Variants in PELO observed in about 807,000 individuals in gnomAD.
PELO encodes the protein pelota mRNA surveillance and ribosome rescue factor.
PELO carries 19 observed loss-of-function variants against 25.9 expected under a neutral mutation model. That is an observed-to-expected ratio of 0.73 (90% CI 0.51 to 1.08). The LOEUF is 1.08. Among genes scored for constraint, PELO ranks in the 50% least tolerant of loss-of-function variants. The pLI, the probability that PELO is intolerant of heterozygous loss-of-function variation, is 0.00. For synonymous variants in PELO, 196 were observed against 192.2 expected (o/e 1.02, Z -0.16); for missense variants, 498 against 491.4 (o/e 1.01, Z -0.13).
At chr5:52,801,240 A>G (rs1748474599) in intron 2 of PELO, 120 bp downstream of exon 2, 3 of 1,191,276 alleles carry the variant, frequency 2.5e-6, no homozygotes, top group South Asian at 1.5e-5. Flanking sequence ...TGGGATTTTC[A>G]TGAGATAATG....
rs1316045294 is a variant in PELO, at chr5:52,801,558, T to C, written c.876T>C (p.Ala292=). The C allele has an allele frequency of 6.2e-7, 1 of 1,614,130 alleles. No individual in the cohort carries two copies. The highest frequency in any genetic ancestry group is 8.5e-7 in the Non-Finnish European group (1 of 1,180,030). The change falls in exon 3 of 3, where the codon GCT becomes GCC. Residue 292 remains alanine, a synonymous_variant. Coordinates refer to ENST00000274311, the MANE Select transcript of PELO (RefSeq NM_015946.5). ...YKMLQHEPDR[A]FYGLKQVEKA... ...TGTTACAGCATGAACCGGATCGAGC[T>C]TTCTATGGACTCAAGCAGGTGGAGA... is the stretch of plus-strand genomic sequence containing the variant.
rs559395464 is a variant in PELO, at chr5:52,802,360, G to T, written c.*520G>T. On this transcript the variant is annotated 3_prime_UTR_variant, in exon 3 of 3. Coordinates refer to ENST00000274311, the MANE Select transcript of PELO (RefSeq NM_015946.5). ...AGTTTTACTATTTTAAATGATTGCC[G>T]TACAATTAGTAGACTTGAAGACAAG... 1 of 152,100 alleles carries T rather than the reference G, an allele frequency of 6.6e-6. No individual in the cohort carries two copies. The highest frequency in any genetic ancestry group is 6.5e-5 in the Admixed American group (1 of 15,272). 9.4% of individuals were successfully genotyped at this position (152,100 alleles called of 1,614,324 possible).
chr5:52,788,341 G>C lies in PELO; in HGVS notation c.-584G>C, dbSNP rs893737735. On this transcript the variant is annotated 5_prime_UTR_variant, in exon 1 of 3. Transcript: ENST00000274311. The stretch of plus-strand genomic sequence containing the variant: ...AACCAGCGCGGCCCCCTGGCGCTGA[G>C]GCTGCTCCGGCCATGGCCCCTCGGC... 1.9e-5 allele frequency: 28 copies of C among 1,502,254 alleles called. No individual in the cohort carries two copies. In the African/African-American group the frequency reaches 3.6e-4, roughly 19 times the overall value. The allele number at this position is 1,502,254 out of a possible 1,614,324, so 93.1% of individuals were successfully genotyped here.
chr5:52,794,181 A>G (rs1748294937), intron 1 of PELO, among the ~76,000 whole-genome samples: 1 of 151,994 alleles, frequency 6.6e-6, no homozygotes, highest in Admixed American at 6.6e-5. Context: ...GAGTGGATAC[A>G]CATACTCTTT....
intron 1 of PELO, among the ~76,000 whole-genome samples, chr5:52,789,009 C>T (rs6867040): frequency 0.26 from 39,100 of 152,090 alleles, 5,395 homozygotes; most frequent in Non-Finnish European, 0.31. Context: ...TGAACATTTT[C>T]TCTGTAAATA....
Position 52,800,690 on chromosome 5 carries a change from A to C in PELO, c.296A>C (p.Tyr99Ser). 1 of 1,614,180 alleles carries C rather than the reference A, an allele frequency of 6.2e-7. No homozygotes were observed. The highest frequency in any genetic ancestry group is 1.7e-5 in the Admixed American group (1 of 60,022). ...QENEYVKMGA[Y>S]HTIELEPNRQ... ...AATGAGTATGTCAAGATGGGGGCTTACCACACCATCGAGCTGGAGCCCAAC... is the reference window on the plus strand; with the variant it reads ...AATGAGTATGTCAAGATGGGGGCTTCCCACACCATCGAGCTGGAGCCCAAC... The change falls in exon 2 of 3, where the codon TAC (tyrosine) becomes TCC (serine). Residue 99 changes from tyrosine to serine, a missense_variant. Coordinates refer to ENST00000274311, the MANE Select transcript of PELO (RefSeq NM_015946.5).
Position 52,803,077 on chromosome 5 carries a change from G to A in PELO, c.*1237G>A, listed in dbSNP as rs1748519927. ...AGTGATGATACAGTTTTTAACTGCT[G>A]GATCAGCGACGCCTATTTCAAGTAG... On this transcript the variant is annotated 3_prime_UTR_variant, in exon 3 of 3. Coordinates refer to ENST00000274311, the MANE Select transcript of PELO (RefSeq NM_015946.5). 2.0e-5 allele frequency: 3 copies of A among 152,186 alleles called. No homozygotes were observed. The highest frequency in any genetic ancestry group is 6.5e-5 in the Admixed American group (1 of 15,282). The allele number at this position is 152,186 out of a possible 1,614,324, so 9.4% of individuals were successfully genotyped here.
intron 1 of PELO, among the ~76,000 whole-genome samples, chr5:52,791,777 G>A: frequency 6.6e-6 from 1 of 151,506 alleles, no homozygotes; most frequent in Admixed American, 6.6e-5. Flanking sequence ...AAAAAGAAAA[G>A]AAAAAATTAA....
At position 52,800,129 on chromosome 5, in the gene PELO, G is replaced by C. The variant is rs930772529; in HGVS notation, c.-266G>C. ...AGCCCGCTGTTGCGTGCTGCCAGCG[G>C]GAACTGTGTAGGGGTAGATTTTCGC... On this transcript the variant is annotated 5_prime_UTR_variant, in exon 2 of 3. Transcript: ENST00000274311. 3.0e-5 allele frequency: 13 copies of C among 436,692 alleles called. No homozygotes were observed. The highest frequency in any genetic ancestry group is 5.0e-5 in the Non-Finnish European group (12 of 241,902). 27.1% of individuals were successfully genotyped at this position (436,692 alleles called of 1,614,324 possible). A position where few individuals can be genotyped will look rare whatever the true frequency, so the allele number is the denominator to read the frequency against.
At chr5:52,788,821 C>T (rs941297547) in intron 1 of PELO, among the ~76,000 whole-genome samples, 6 of 151,998 alleles carry the variant, frequency 3.9e-5, no homozygotes, top group African/African-American at 1.4e-4. Context: ...AAATTCCTAC[C>T]CTCGGGTTGT....
intron 1 of PELO, among the ~76,000 whole-genome samples, chr5:52,795,868 C>A (rs1430132924): frequency 1.3e-5 from 2 of 151,816 alleles, no homozygotes; most frequent in East Asian, 3.9e-4. Flanking sequence ...AGCTTTATTG[C>A]GGTCTGGGAC....
chr5:52,801,590 A>C lies in PELO; in HGVS notation c.908A>C (p.Asn303Thr). Residue 303 changes from asparagine (N) to threonine (T), a missense_variant, in exon 3 of 3, where the codon AAT (asparagine) becomes ACT (threonine). Transcript: ENST00000274311. The stretch of plus-strand genomic sequence containing the variant: ...GGACTCAAGCAGGTGGAGAAGGCCA[A>C]TGAAGCCATGGCAATTGACACATTG... ...FYGLKQVEKANEAMAIDTLLI... is the reference protein window; with the variant it reads ...FYGLKQVEKATEAMAIDTLLI... The C allele has an allele frequency of 6.2e-7, 1 of 1,614,124 alleles. No homozygotes were observed.
chr5:52,791,296 A>G (rs369541972), intron 1 of PELO, among the ~76,000 whole-genome samples: 9 of 152,190 alleles, frequency 5.9e-5, no homozygotes, highest in African/African-American at 2.2e-4. Context: ...CAGTAGGGAA[A>G]AAAGAACCTG....
chr5:52,801,196 T>A, intron 2 of PELO, 76 bp downstream of exon 2: 1 of 1,399,638 alleles, frequency 7.1e-7, no homozygotes, highest in Non-Finnish European at 9.7e-7. Flanking sequence ...GTTTTAGAAC[T>A]GGGAAAAATA....
intron 1 of PELO, 114 bp downstream of exon 1, chr5:52,788,528 T>C: frequency 1.1e-6 from 1 of 902,766 alleles, no homozygotes; most frequent in Non-Finnish European, 1.5e-6. Context: ...CCCATCCACT[T>C]TCGGGCATTC....
At position 52,800,618 on chromosome 5, in the gene PELO, ACT is replaced by A. The variant is rs1467760139; in HGVS notation, c.228_229del (p.Gln77SerfsTer7). On this transcript the variant is annotated frameshift_variant, in exon 2 of 3. Coordinates refer to ENST00000274311, the MANE Select transcript of PELO (RefSeq NM_015946.5). LOFTEE classifies it high-confidence loss of function. ...CTCTGCGTGGAGGCCATCGACTTCGACTCTCAAGCCTGCCAGCTGCGGGTTAA... is the reference window on the plus strand; with the variant it reads ...CTCTGCGTGGAGGCCATCGACTTCGACTCAAGCCTGCCAGCTGCGGGTTAA... 2.4e-5 allele frequency: 39 copies of A among 1,613,522 alleles called. No individual in the cohort carries two copies. The highest frequency in any genetic ancestry group is 3.1e-5 in the Non-Finnish European group (37 of 1,179,838).
At chr5:52,797,275 A>G (rs574300887) in intron 1 of PELO, among the ~76,000 whole-genome samples, 1 of 152,200 alleles carries the variant, frequency 6.6e-6, no homozygotes, top group Admixed American at 6.5e-5. Context: ...AGGCACACTG[A>G]TATTTTTTAA....
intron 1 of PELO, among the ~76,000 whole-genome samples, chr5:52,791,041 C>G (rs938253001): frequency 1.3e-5 from 2 of 152,122 alleles, no homozygotes; most frequent in African/African-American, 4.8e-5. Flanking sequence ...AACAAGCCAC[C>G]AGCATCCCAA....
chr5:52,799,434 G>C (rs917780823), intron 1 of PELO, among the ~76,000 whole-genome samples: 1 of 152,132 alleles, frequency 6.6e-6, no homozygotes, highest in African/African-American at 2.4e-5. Context: ...ACTGGGCTGC[G>C]GAAAGCTGAG....
Sources: gnomAD v4.1 joint callset for allele counts (sites outside exome capture counted in the v4.1 genomes callset) on GRCh38, gnomAD v4.1.1 for gene constraint, MANE v1.5 for transcripts, NCBI Gene and HGNC (gene_info 2026-07-23, HGNC 2026-07-21) for gene names.